The following MAPRE3 variants were observed in gnomAD, a reference collection of about 807,000 sequenced individuals.
MAPRE3 encodes the protein microtubule-associated protein RP/EB family member 3.
MAPRE3 carries 2 observed loss-of-function variants against 30.5 expected under a neutral mutation model. The observed-to-expected ratio is 0.07, with a 90% CI of 0.03 to 0.21. MAPRE3 has a LOEUF of 0.21. Ranked by LOEUF, MAPRE3 falls within the 10% of genes least tolerant of loss-of-function variation. MAPRE3 has a pLI of 1.00. For synonymous variants in MAPRE3, 110 were observed against 127.7 expected (o/e 0.86, Z 0.93); for missense variants, 204 against 351.8 (o/e 0.58, Z 3.36).
At chr2:27,008,706 C>A (rs555874727) in intron 1 of MAPRE3, among the ~76,000 whole-genome samples, 1 of 152,154 alleles carries the variant, frequency 6.6e-6, no homozygotes, top group African/African-American at 2.4e-5. Context: ...AGAACTCTCC[C>A]AGAGCCAGAC....
intron 1 of MAPRE3, among the ~76,000 whole-genome samples, chr2:26,995,136 C>G (rs1291630728): frequency 1.3e-5 from 2 of 152,184 alleles, no homozygotes; most frequent in Non-Finnish European, 2.9e-5. Flanking sequence ...CTACTCTACT[C>G]TGCTGTTGTA....
intron 1 of MAPRE3, among the ~76,000 whole-genome samples, chr2:27,016,019 A>T (rs1024675535): frequency 1.3e-5 from 2 of 152,180 alleles, no homozygotes; most frequent in African/African-American, 4.8e-5. Context: ...ATAGGAAATG[A>T]CTCAGCAAAA....
chr2:27,022,517 A>G (rs1209336295), intron 2 of MAPRE3, 178 bp downstream of exon 2: 3 of 804,246 alleles, frequency 3.7e-6, no homozygotes, highest in African/African-American at 3.4e-5. Context: ...GTGTATTTAC[A>G]CAAACCTGGA....
chr2:27,026,468 C>A lies in MAPRE3; in HGVS notation c.*120C>A. On this transcript the variant is annotated 3_prime_UTR_variant, in exon 7 of 7. Transcript: ENST00000233121. The stretch of plus-strand genomic sequence containing the variant: ...GGTGCTTTGTGTCAGTGCTGCAGCA[C>A]TGGGGAGCCAGGCGAGGGGGGCTTG... The A allele has an allele frequency of 1.2e-6, 1 of 868,996 alleles. No homozygotes were observed. The highest frequency in any genetic ancestry group is 1.8e-6 in the Non-Finnish European group (1 of 566,392). The allele number at this position is 868,996 out of a possible 1,614,324, so 53.8% of individuals were successfully genotyped here. A position where few individuals can be genotyped will look rare whatever the true frequency, so the allele number is the denominator to read the frequency against.
intron 1 of MAPRE3, among the ~76,000 whole-genome samples, chr2:26,983,676 T>G (rs930060840): frequency 2.0e-5 from 3 of 152,208 alleles, no homozygotes; most frequent in Non-Finnish European, 4.4e-5. Context: ...ATTATGTTGC[T>G]TGCCACCTAG....
chr2:27,012,380 G>A (rs1416082080), intron 1 of MAPRE3: 2 of 152,172 alleles, frequency 1.3e-5, no homozygotes, highest in South Asian at 2.1e-4. Flanking sequence ...GTGTTCATTT[G>A]GCCAGGTTCA....
At chr2:26,981,662 G>A (rs1169482369) in intron 1 of MAPRE3, among the ~76,000 whole-genome samples, 1 of 152,210 alleles carries the variant, frequency 6.6e-6, no homozygotes, top group East Asian at 1.9e-4. Context: ...GATGGATGAA[G>A]GAGAAATGAA....
chr2:26,975,679 G>A (rs1666002484), intron 1 of MAPRE3, among the ~76,000 whole-genome samples: 1 of 152,234 alleles, frequency 6.6e-6, no homozygotes, highest in Non-Finnish European at 1.5e-5. Flanking sequence ...CTTGTTATAA[G>A]AAGCATGTAT....
At chr2:27,004,998 T>TA (rs1374024281) in intron 1 of MAPRE3, among the ~76,000 whole-genome samples, 3 of 152,068 alleles carry the variant, frequency 2.0e-5, no homozygotes, top group Non-Finnish European at 4.4e-5. Context: ...ATTTTAAAGA[T>TA]AAAAAAATAC....
intron 1 of MAPRE3, among the ~76,000 whole-genome samples, chr2:26,987,033 C>T (rs970858168): frequency 1.3e-5 from 2 of 152,096 alleles, no homozygotes; most frequent in African/African-American, 2.4e-5. Context: ...TTACTTGAAG[C>T]GGTTTGGCTT....
chr2:26,992,208 A>T (rs1267020642), intron 1 of MAPRE3, among the ~76,000 whole-genome samples: 1 of 151,248 alleles, frequency 6.6e-6, no homozygotes, highest in Non-Finnish European at 1.5e-5. Flanking sequence ...ACTCATTCTC[A>T]CTGACTAATG....
chr2:27,022,126 CCAGTATCATA>C lies in MAPRE3; in HGVS notation c.-7-82_-7-73del. ...ATCTGGAGGGAATGTTTCTTACTTC[CCAGTATCATA>C]CAGCCCCTCTCTCTTGACAGCTAAG... is the stretch of plus-strand genomic sequence containing the variant. On this transcript the variant is annotated intron_variant, in intron 1 of 6. Transcript: ENST00000233121. The C allele has an allele frequency of 3.4e-6, 5 of 1,477,458 alleles. No homozygotes were observed. In the South Asian group the frequency reaches 6.2e-5, roughly 18 times the overall value. The allele number at this position is 1,477,458 out of a possible 1,614,324, so 91.5% of individuals were successfully genotyped here.
chr2:26,986,073 G>A lies in MAPRE3; in HGVS notation c.-8+15271G>A, dbSNP rs908973883. 1.3e-5 allele frequency among the ~76,000 whole-genome samples: 2 copies of A among 152,152 alleles called. No homozygotes were observed. Among genetic ancestry groups the A allele is most frequent in the African/African-American group, 4.8e-5 (2 of 41,436 alleles). On this transcript the variant is annotated intron_variant, in intron 1 of 6. Transcript: ENST00000233121. The surrounding 1 kb of genome is among the most constrained non-coding windows in gnomAD (Gnocchi z 4.2). ...ACTAATCCAGTGTGCCAAAATCAAG[G>A]TGTTGGCAAGGCTGTGTTTCTTCTG...
intron 2 of MAPRE3, chr2:27,022,950 G>C (rs1667141043): frequency 5.6e-6 from 1 of 179,090 alleles, no homozygotes; most frequent in Admixed American, 5.4e-5. Context: ...CAGAGCCACA[G>C]GTCTGACCAC....
intron 1 of MAPRE3, among the ~76,000 whole-genome samples, chr2:26,971,662 G>A (rs1164216715): frequency 6.6e-6 from 1 of 151,672 alleles, no homozygotes; most frequent in Non-Finnish European, 1.5e-5. Context: ...GGTATAATGT[G>A]AGGTTTGGAA....
In MAPRE3 at chr2:27,026,393, C is replaced by T; in HGVS notation, c.*45C>T. 6.7e-7 allele frequency: 1 copy of T among 1,481,676 alleles called. No homozygotes were observed. The highest frequency in any genetic ancestry group is 9.4e-7 in the Non-Finnish European group (1 of 1,069,258). 91.8% of individuals were successfully genotyped at this position (1,481,676 alleles called of 1,614,324 possible). A position where few individuals can be genotyped will look rare whatever the true frequency, so the allele number is the denominator to read the frequency against. On this transcript the variant is annotated 3_prime_UTR_variant, in exon 7 of 7. Transcript: ENST00000233121. ...TGACTGCACAGCTTCCCCGTGCCTC[C>T]CTCCCTGCTCCACTCCCACATTATA... is the stretch of plus-strand genomic sequence containing the variant.
intron 4 of MAPRE3, 46 bp from the exon 5 acceptor site, chr2:27,025,537 C>A: frequency 6.6e-7 from 1 of 1,517,070 alleles, no homozygotes; most frequent in Non-Finnish European, 8.8e-7. Context: ...CTGCCACGTG[C>A]GCTGTGGGCT....
chr2:27,025,812 A>T, intron 5 of MAPRE3, 68 bp from the exon 6 acceptor site: 1 of 1,613,554 alleles, frequency 6.2e-7, no homozygotes, highest in Non-Finnish European at 8.5e-7. Context: ...TGCAGGGACG[A>T]GAGGAGGGCA....
chr2:26,971,062 T>C (rs1665907607), intron 1 of MAPRE3, among the ~76,000 whole-genome samples: 1 of 146,124 alleles, frequency 6.8e-6, no homozygotes, highest in South Asian at 2.3e-4. Flanking sequence ...CGGGTCCACC[T>C]TGAGGCTCCT....
Sources: gnomAD v4.1 joint callset for allele counts (sites outside exome capture counted in the v4.1 genomes callset) on GRCh38, gnomAD v4.1.1 for gene constraint, Gnocchi (gnomAD v3.1) non-coding constraint, MANE v1.5 for transcripts, NCBI Gene and HGNC (gene_info 2026-07-23, HGNC 2026-07-21) for gene names.